EVC2: variants seen among roughly 807,000 people sequenced by gnomAD.
EVC2 encodes the protein limbin.
Under a neutral mutation model 149.3 loss-of-function variants are expected in EVC2, and 148 were observed. That is an observed-to-expected ratio of 0.99 (90% CI 0.87 to 1.14). The LOEUF is 1.14. Ranked by LOEUF, EVC2 falls within the 50% of genes most tolerant of loss-of-function variation. EVC2 has a pLI of 0.00. For synonymous variants in EVC2, 776 were observed against 649.9 expected (o/e 1.19, Z -2.95); for missense variants, 1,854 against 1,627.3 (o/e 1.14, Z -2.40).
intron 1 of EVC2, among the ~76,000 whole-genome samples, chr4:5,703,447 A>G (rs777159550): frequency 7.2e-5 from 11 of 152,188 alleles, no homozygotes; most frequent in Non-Finnish European, 1.6e-4. Flanking sequence ...CAGAAGCATC[A>G]AGAGTACCCA....
chr4:5,656,197 G>A (rs73198201), intron 9 of EVC2, among the ~76,000 whole-genome samples: 21,643 of 152,126 alleles, frequency 0.14, 1,615 homozygotes, highest in Middle Eastern at 0.18. Flanking sequence ...TTGAGCCCTG[G>A]ACCAACCATT....
intron 1 of EVC2, 26 bp downstream of exon 1, chr4:5,708,259 CG>C (rs1722342073): frequency 7.5e-6 from 11 of 1,468,900 alleles, no homozygotes; most frequent in Non-Finnish European, 9.9e-6. Flanking sequence ...ACAGTCAGAC[CG>C]GAGCCTGGGG....
At chr4:5,589,951 G>A (rs1247735280) in intron 16 of EVC2, among the ~76,000 whole-genome samples, 1 of 152,142 alleles carries the variant, frequency 6.6e-6, no homozygotes, top group Non-Finnish European at 1.5e-5. Flanking sequence ...AGGGAGGTCT[G>A]TATATGGTGC....
intron 14 of EVC2, among the ~76,000 whole-genome samples, chr4:5,619,392 A>T (rs1715515588): frequency 6.6e-6 from 1 of 152,208 alleles, no homozygotes; most frequent in Non-Finnish European, 1.5e-5. Flanking sequence ...AAACACACAG[A>T]GAGGCCATCT....
At chr4:5,598,969 A>G (rs1184824341) in intron 16 of EVC2, among the ~76,000 whole-genome samples, 1 of 152,210 alleles carries the variant, frequency 6.6e-6, no homozygotes, top group Non-Finnish European at 1.5e-5. Context: ...CACATGAAAA[A>G]ATGCTCACCA....
Position 5,615,607 on chromosome 4 carries a change from C to T in EVC2, c.2707-63G>A, listed in dbSNP as rs564775347. 233 of 1,612,728 alleles carry T rather than the reference C, an allele frequency of 1.4e-4. 2 individuals carry two copies. The East Asian group carries it at 4.8e-3, about 33-fold the overall frequency. Reference sequence around the variant, plus strand: ...ATCACCAGCAAGTCCATGCAGCTCCCCCGAGGGCTTTGCAGGTCAAGAGAA... The same window carrying T: ...ATCACCAGCAAGTCCATGCAGCTCCTCCGAGGGCTTTGCAGGTCAAGAGAA... On this transcript the variant is annotated intron_variant, in intron 15 of 21. Coordinates refer to ENST00000344408, the MANE Select transcript of EVC2 (RefSeq NM_147127.5).
Position 5,639,041 on chromosome 4 carries a change from C to T in EVC2, c.1470+1473G>A, listed in dbSNP as rs141295843. Among the ~76,000 whole-genome samples the T allele has an allele frequency of 8.6e-3, 1,312 of 152,216 alleles. 19 individuals carry two copies. Among genetic ancestry groups the T allele is most frequent in the African/African-American group, 0.027 (1,104 of 41,532 alleles). On this transcript the variant is annotated intron_variant, in intron 10 of 21. Transcript: ENST00000344408. The stretch of plus-strand genomic sequence containing the variant: ...GAGATGGTTCTGAAGGCAAGGGAGG[C>T]CCCAGGAGCAAGGGAGCAGGTGCAG...
chr4:5,681,935 G>A (rs10937659), intron 6 of EVC2, among the ~76,000 whole-genome samples: 141,508 of 152,130 alleles, frequency 0.93, 65,937 homozygotes, highest in African/African-American at 0.97. Flanking sequence ...ATAGGGTGGT[G>A]GTTAGGGCCA....
In EVC2 at chr4:5,657,055, C is replaced by T. The variant is rs1200048520; in HGVS notation, c.1145+6052G>A. Among the ~76,000 whole-genome samples the T allele has an allele frequency of 6.6e-6, 1 of 152,122 alleles. No homozygotes were observed. Among genetic ancestry groups the T allele is most frequent in the Non-Finnish European group, 1.5e-5 (1 of 68,032 alleles). ...GGGTTTTAACCACTGGGCTCTATGC[C>T]CTGCCCGCCAGTGGCCTCCATGCCT... On this transcript the variant is annotated intron_variant, in intron 9 of 21. Transcript: ENST00000344408. The surrounding 1 kb of genome is among the most constrained non-coding windows in gnomAD (Gnocchi z 4.7).
intron 7 of EVC2, among the ~76,000 whole-genome samples, chr4:5,674,055 C>T (rs372341636): frequency 7.5e-6 from 1 of 134,132 alleles, no homozygotes; most frequent in Non-Finnish European, 1.5e-5. Context: ...TCCTCCGGAA[C>T]AGTCTAAGAA....
chr4:5,589,661 C>A (rs1292518088), intron 16 of EVC2, among the ~76,000 whole-genome samples: 1 of 145,196 alleles, frequency 6.9e-6, no homozygotes, highest in Non-Finnish European at 1.5e-5. Context: ...GGGTGAATTC[C>A]TTTATTTTTT....
chr4:5,594,376 T>A lies in EVC2; in HGVS notation c.2830-9526A>T, dbSNP rs1202005372. 2.0e-5 allele frequency among the ~76,000 whole-genome samples: 3 copies of A among 152,252 alleles called. No homozygotes were observed. In the East Asian group the frequency reaches 5.8e-4, roughly 30 times the overall value. ...GCCGGGTACTCCTCTGAGACAAAAC[T>A]TCCAGAGGAACGATCAGACAGCAGC... On this transcript the variant is annotated intron_variant, in intron 16 of 21. Coordinates refer to ENST00000344408, the MANE Select transcript of EVC2 (RefSeq NM_147127.5).
At chr4:5,610,992 C>T (rs1261578645) in intron 16 of EVC2, among the ~76,000 whole-genome samples, 1 of 152,046 alleles carries the variant, frequency 6.6e-6, no homozygotes, top group African/African-American at 2.4e-5. Context: ...TGATGCTGTC[C>T]CTCATGTGTC....
chr4:5,603,737 C>T (rs747376986), intron 16 of EVC2, among the ~76,000 whole-genome samples: 1 of 152,158 alleles, frequency 6.6e-6, no homozygotes, highest in Non-Finnish European at 1.5e-5. Context: ...TGAAGAGATA[C>T]ATGGTAGATG....
chr4:5,611,293 C>A (rs1714802563), intron 16 of EVC2, among the ~76,000 whole-genome samples: 1 of 152,126 alleles, frequency 6.6e-6, no homozygotes, highest in African/African-American at 2.4e-5. Flanking sequence ...AGATGCCATT[C>A]TTGCAGCAAT....
intron 15 of EVC2, among the ~76,000 whole-genome samples, chr4:5,616,295 G>A (rs528520058): frequency 5.5e-4 from 84 of 152,316 alleles, no homozygotes; most frequent in Middle Eastern, 3.4e-3. Flanking sequence ...CAGCTCAGAG[G>A]GCCACAGAAA....
At chr4:5,607,329 T>C (rs987232740) in intron 16 of EVC2, among the ~76,000 whole-genome samples, 2 of 152,234 alleles carry the variant, frequency 1.3e-5, no homozygotes, top group Non-Finnish European at 1.5e-5. Context: ...CATTTTTTGA[T>C]AGGATAGGCA....
intron 11 of EVC2, among the ~76,000 whole-genome samples, chr4:5,630,664 A>G (rs1716466014): frequency 6.6e-6 from 1 of 152,190 alleles, no homozygotes. Flanking sequence ...CCGTGAACAC[A>G]TTACTGCACT....
intron 16 of EVC2, among the ~76,000 whole-genome samples, chr4:5,590,187 T>A (rs1229872850): frequency 6.6e-6 from 1 of 152,128 alleles, no homozygotes; most frequent in Non-Finnish European, 1.5e-5. Context: ...GAACCCATAC[T>A]GCAGAGGCCC....
Sources: gnomAD v4.1 joint callset for allele counts (sites outside exome capture counted in the v4.1 genomes callset) on GRCh38, gnomAD v4.1.1 for gene constraint, Gnocchi (gnomAD v3.1) non-coding constraint, MANE v1.5 for transcripts, NCBI Gene and HGNC (gene_info 2026-07-23, HGNC 2026-07-21) for gene names.